Variants in SMPDL3A observed in about 807,000 individuals in gnomAD.
SMPDL3A encodes the protein sphingomyelin phosphodiesterase acid like 3A.
Under a neutral mutation model 38.5 loss-of-function variants are expected in SMPDL3A, and 39 were observed. The ratio of observed to expected loss-of-function variants is 1.01; its 90% CI spans 0.78 to 1.32. The LOEUF is 1.32. Ranked by LOEUF, SMPDL3A falls within the 40% of genes most tolerant of loss-of-function variation. SMPDL3A has a pLI of 0.00. For missense variants in SMPDL3A, 502 were observed against 536.2 expected, an observed-to-expected ratio of 0.94 and a Z score of 0.63; for synonymous variants, 180 against 194.3, an observed-to-expected ratio of 0.93 and a Z score of 0.61.
Position 122,789,390 on chromosome 6 carries a change from G to A in SMPDL3A, c.44G>A (p.Trp15Ter). 1 of 1,549,240 alleles carries A rather than the reference G, an allele frequency of 6.5e-7. No individual in the cohort carries two copies. The highest frequency in any genetic ancestry group is 2.4e-5 in the East Asian group (1 of 40,890). Residue 15 changes from tryptophan to a stop codon, truncating the protein, a stop_gained, in exon 1 of 8, where the codon TGG becomes TAG. Transcript: ENST00000368440. LOFTEE classifies it high-confidence loss of function. ...CTCGTCTGCTGCCTGCTGACTGCCTGGCACTGCCGCTCCGGCCTCGGGCTG... is the reference window on the plus strand; with the variant it reads ...CTCGTCTGCTGCCTGCTGACTGCCTAGCACTGCCGCTCCGGCCTCGGGCTG... ...RALVCCLLTA[W>*]HCRSGLGLPV... is the part of the protein sequence containing the mutation.
rs1781666495 is a variant in SMPDL3A at position 122,807,421 on chromosome 6, C to G, written c.1044+1064C>G. 1.3e-5 allele frequency among the ~76,000 whole-genome samples: 2 copies of G among 152,098 alleles called. 1 individual carries two copies. The highest frequency in any genetic ancestry group is 4.1e-4 in the South Asian group (2 of 4,830). On this transcript the variant is annotated intron_variant, in intron 7 of 7. Transcript: ENST00000368440. ...GGCTGAGGCAGGAGAATGGCGTGAA[C>G]CTGGGAGGCAGAGCTTGCAGTGAGC...
At position 122,789,312 on chromosome 6, in the gene SMPDL3A, C is replaced by A; in HGVS notation, c.-35C>A. 6.9e-7 allele frequency: 1 copy of A among 1,452,216 alleles called. No homozygotes were observed. The highest frequency in any genetic ancestry group is 1.2e-5 in the South Asian group (1 of 80,780). The allele number at this position is 1,452,216 out of a possible 1,614,324, so 90.0% of individuals were successfully genotyped here. A position where few individuals can be genotyped will look rare whatever the true frequency, so the allele number is the denominator to read the frequency against. On this transcript the variant is annotated 5_prime_UTR_variant, in exon 1 of 8. Coordinates refer to ENST00000368440, the MANE Select transcript of SMPDL3A (RefSeq NM_006714.5). ...TGACGGTCCGAGTGGAGCTGCGGGA[C>A]AGCCCGAACCTCCAGGTCAGCCCCG...
chr6:122,806,155 A>C, intron 6 of SMPDL3A, 78 bp from the exon 7 acceptor site: 2 of 1,306,886 alleles, frequency 1.5e-6, no homozygotes, highest in Non-Finnish European at 2.1e-6. Flanking sequence ...TTAATCTCTT[A>C]ATCTGGAAAC....
rs76671675 is a variant in SMPDL3A at position 122,791,591 on chromosome 6, T to A, written c.112+2133T>A. 1.1e-4 allele frequency among the ~76,000 whole-genome samples: 17 copies of A among 152,328 alleles called. No individual in the cohort carries two copies. The East Asian group carries it at 3.3e-3, about 29-fold the overall frequency. On this transcript the variant is annotated intron_variant, in intron 1 of 7. Coordinates refer to ENST00000368440, the MANE Select transcript of SMPDL3A (RefSeq NM_006714.5). The stretch of plus-strand genomic sequence containing the variant: ...TGGATTCTTGAGAAGTTATAAAATA[T>A]TTTGGATTAAAAGATTTTCTGGTAT...
At chr6:122,805,303 G>C (rs1582556968) in intron 6 of SMPDL3A, among the ~76,000 whole-genome samples, 1 of 152,266 alleles carries the variant, frequency 6.6e-6, no homozygotes, top group East Asian at 1.9e-4. Context: ...GCTCCTATTA[G>C]CTCCACAGGG....
rs1582540285 is a variant in SMPDL3A, at chr6:122,795,797, A to C, written c.233A>C (p.Asp78Ala). 6.2e-7 allele frequency: 1 copy of C among 1,614,102 alleles called. No individual in the cohort carries two copies. The highest frequency in any genetic ancestry group is 8.5e-7 in the Non-Finnish European group (1 of 1,179,984). The change falls in exon 2 of 8, where the codon GAT (aspartate) becomes GCT (alanine). Residue 78 changes from aspartate (D) to alanine (A), a missense_variant. Asp to Ala is a moderately radical substitution (Grantham distance 126). Transcript: ENST00000368440. ...ANASNPGPFGDVLCDSPYQLI... is the reference protein window; with the variant it reads ...ANASNPGPFGAVLCDSPYQLI... Reference sequence around the variant, plus strand: ...GCCTCCAACCCTGGCCCTTTTGGAGATGTTCTGTGTGATTCTCCATATCAA... The same window carrying C: ...GCCTCCAACCCTGGCCCTTTTGGAGCTGTTCTGTGTGATTCTCCATATCAA...
At chr6:122,805,803 C>T (rs187253552) in intron 6 of SMPDL3A, among the ~76,000 whole-genome samples, 1 of 152,232 alleles carries the variant, frequency 6.6e-6, no homozygotes, top group Admixed American at 6.5e-5. Context: ...CCATGTTGGC[C>T]AGGAAGGTCT....
chr6:122,796,252 A>G (rs1781245878), intron 2 of SMPDL3A, among the ~76,000 whole-genome samples: 1 of 152,226 alleles, frequency 6.6e-6, no homozygotes. Flanking sequence ...TTCTGGCAGT[A>G]TAACTAACTG....
chr6:122,789,565 C>G (rs1327397674), intron 1 of SMPDL3A, 107 bp downstream of exon 1: 2 of 1,079,826 alleles, frequency 1.9e-6, no homozygotes, highest in Non-Finnish European at 1.4e-6. Context: ...CCGGCAGAGG[C>G]TCGGGCTAGC....
chr6:122,807,080 A>AT (rs1404815412), intron 7 of SMPDL3A, among the ~76,000 whole-genome samples: 3 of 89,454 alleles, frequency 3.4e-5, no homozygotes, highest in African/African-American at 1.2e-4. Flanking sequence ...TATTGTAGAG[A>AT]TGGGGGGGGG....
At chr6:122,798,699 A>G (rs191445867) in intron 3 of SMPDL3A, among the ~76,000 whole-genome samples, 25 of 152,300 alleles carry the variant, frequency 1.6e-4, no homozygotes, top group Non-Finnish European at 2.6e-4. Flanking sequence ...CAGGGGATAC[A>G]TGTTTGTAAC....
At position 122,801,373 on chromosome 6, in the gene SMPDL3A, C is replaced by G; in HGVS notation, c.535C>G (p.Leu179Val). The change falls in exon 4 of 8, where the codon CTA becomes GTA. Residue 179 changes from leucine to valine, a missense_variant. Coordinates refer to ENST00000368440, the MANE Select transcript of SMPDL3A (RefSeq NM_006714.5). ...NAVANLWKPW[L>V]DEEAISTLRK... ...AGTAGCAAACCTCTGGAAACCATGG[C>G]TAGATGAAGAAGCTATTAGTACTTT... 1 of 1,612,350 alleles carries G rather than the reference C, an allele frequency of 6.2e-7. No homozygotes were observed. Among genetic ancestry groups the G allele is most frequent in the South Asian group, 1.1e-5 (1 of 91,022 alleles).
chr6:122,804,864 G>A (rs1399982627), intron 5 of SMPDL3A, 45 bp from the exon 6 acceptor site: 2 of 1,521,788 alleles, frequency 1.3e-6, no homozygotes, highest in South Asian at 1.3e-5. Context: ...TATGATGAAT[G>A]TGCAGAAAGA....
At chr6:122,803,911 C>T (rs1781508522) in intron 5 of SMPDL3A, 78 bp downstream of exon 5, 1 of 1,133,912 alleles carries the variant, frequency 8.8e-7, no homozygotes, top group East Asian at 2.4e-5. Flanking sequence ...GGGGTAGACT[C>T]CAGTATCAAT....
intron 1 of SMPDL3A, 30 bp from the exon 2 acceptor site, chr6:122,795,647 A>G: frequency 6.5e-7 from 1 of 1,529,574 alleles, no homozygotes; most frequent in Non-Finnish European, 9.0e-7. Flanking sequence ...GAACAAGTAG[A>G]TTTATCTGCA....
Position 122,803,731 on chromosome 6 carries a change from G to T in SMPDL3A, c.636G>T (p.Leu212Phe), listed in dbSNP as rs1417496981. 3.7e-6 allele frequency: 6 copies of T among 1,613,854 alleles called. No homozygotes were observed. The East Asian group carries it at 1.1e-4, about 30-fold the overall frequency. ...GGATCATCAGTCTAAACACAAACTT[G>T]TACTACGGCCCAAATATAATGACAC... ...NLRIISLNTNLYYGPNIMTLN... is the reference protein window; with the variant it reads ...NLRIISLNTNFYYGPNIMTLN... Residue 212 changes from leucine (L) to phenylalanine (F), a missense_variant, in exon 5 of 8, where the codon TTG (leucine) becomes TTT (phenylalanine). By Grantham distance (22) the Leu-to-Phe change is conservative (BLOSUM62 0). Transcript: ENST00000368440.
chr6:122,796,929 G>T lies in SMPDL3A; in HGVS notation c.432G>T (p.Gln144His). The T allele has an allele frequency of 6.2e-7, 1 of 1,613,696 alleles. No individual in the cohort carries two copies. The change falls in exon 3 of 8, where the codon CAG (glutamine) becomes CAT (histidine). Residue 144 changes from glutamine (Q) to histidine (H), a missense_variant. Gln to His is a conservative substitution (Grantham distance 24). Coordinates refer to ENST00000368440, the MANE Select transcript of SMPDL3A (RefSeq NM_006714.5). Reference sequence around the variant, plus strand: ...TCCAGAGTCTCTTTCCAAATCTCCAGGTTTTCCCTGCGCTGGGTAATCATG... The same window carrying T: ...TCCAGAGTCTCTTTCCAAATCTCCATGTTTTCCCTGCGCTGGGTAATCATG... ...TTIQSLFPNL[Q>H]VFPALGNHDY...
In SMPDL3A at chr6:122,809,479, A is replaced by C. The variant is rs1781778368; in HGVS notation, c.*71A>C. On this transcript the variant is annotated 3_prime_UTR_variant, in exon 8 of 8. Transcript: ENST00000368440. ...GATCAATTTGTGGGAATTTTACATA[A>C]ATCTTTGTTAATTACTGAGTGGGCA... 8.6e-7 allele frequency: 1 copy of C among 1,167,126 alleles called. No homozygotes were observed. Among genetic ancestry groups the C allele is most frequent in the South Asian group, 1.5e-5 (1 of 65,820 alleles). 72.3% of individuals were successfully genotyped at this position (1,167,126 alleles called of 1,614,324 possible).
At chr6:122,796,683 A>G (rs974220550) in intron 2 of SMPDL3A, 141 bp from the exon 3 acceptor site, 1 of 501,938 alleles carries the variant, frequency 2.0e-6, no homozygotes, top group Non-Finnish European at 3.4e-6. Flanking sequence ...GTAAGTGAAG[A>G]GTAGTCTATC....
Sources: gnomAD v4.1 joint callset for allele counts (sites outside exome capture counted in the v4.1 genomes callset) on GRCh38, gnomAD v4.1.1 for gene constraint, MANE v1.5 for transcripts, NCBI Gene and HGNC (gene_info 2026-07-23, HGNC 2026-07-21) for gene names.